CCDC73: variants seen among roughly 807,000 people sequenced by gnomAD.
CCDC73 encodes the protein coiled-coil domain containing 73, also known as coiled-coil domain-containing protein 73.
In CCDC73, 95 loss-of-function variants were observed where a neutral mutation model predicts 116.5. The ratio of observed to expected loss-of-function variants is 0.82; its 90% confidence interval spans 0.69 to 0.97. CCDC73 has a LOEUF of 0.97. Among genes scored for constraint, CCDC73 ranks in the 50% least tolerant of loss-of-function variants. The pLI is 0.00. For missense variants in CCDC73, 1,066 were observed against 1,206.8 expected, an observed-to-expected ratio of 0.88 and a Z score of 1.73; for synonymous variants, 398 against 401.3, an observed-to-expected ratio of 0.99 and a Z score of 0.10.
At chr11:32,654,759 G>T (rs1590571351) in intron 10 of CCDC73, 85 bp downstream of exon 10, 3 of 1,004,862 alleles carry the variant, frequency 3.0e-6, no homozygotes, top group Non-Finnish European at 4.2e-6. Context: ...TGCAAAGGCG[G>T]AGTATTTTTG....
chr11:32,759,359 C>T (rs1384441661), intron 2 of CCDC73, among the ~76,000 whole-genome samples: 1 of 128,834 alleles, frequency 7.8e-6, no homozygotes, highest in East Asian at 2.6e-4. Context: ...GAGATAGAGT[C>T]TTGCTCCGTC....
At chr11:32,772,645 T>A (rs1850501021) in intron 1 of CCDC73, among the ~76,000 whole-genome samples, 1 of 152,198 alleles carries the variant, frequency 6.6e-6, no homozygotes, top group South Asian at 2.1e-4. Context: ...TTCAACAGGT[T>A]CAGGAAAGAG....
chr11:32,750,275 C>A (rs1440661887), intron 2 of CCDC73, among the ~76,000 whole-genome samples: 2 of 152,160 alleles, frequency 1.3e-5, no homozygotes, highest in African/African-American at 4.8e-5. Context: ...ACCACTGGGA[C>A]TGCACTGGGT....
At chr11:32,796,587 T>C (rs1850729638), upstream of CCDC73, among the ~76,000 whole-genome samples, 1 of 152,212 alleles carries the variant, frequency 6.6e-6, no homozygotes, top group South Asian at 2.1e-4. Flanking sequence ...ATCAGTGCTA[T>C]GGTTTGAATG....
At chr11:32,825,295 CTTTTTTTTTTTTTT>C in the CCDC73 span, among the ~76,000 whole-genome samples, 1 of 64,446 alleles carries the variant, frequency 1.6e-5, no homozygotes, top group South Asian at 6.9e-4. Flanking sequence ...CTGATGCAGA[CTTTTTTTTTTTTTT>C]TTTTTTTTTT....
the CCDC73 span, among the ~76,000 whole-genome samples, chr11:32,812,012 C>T: frequency 6.6e-6 from 1 of 150,688 alleles, no homozygotes; most frequent in East Asian, 1.9e-4. Context: ...TACCTGTCTT[C>T]TACTGAATGG....
chr11:32,727,059 C>T (rs987285293), intron 2 of CCDC73, among the ~76,000 whole-genome samples: 2 of 152,060 alleles, frequency 1.3e-5, no homozygotes, highest in African/African-American at 4.8e-5. Context: ...TTTTTACTGA[C>T]CTTGACACTT....
chr11:32,782,850 T>C (rs1850595469), intron 1 of CCDC73, among the ~76,000 whole-genome samples: 2 of 151,814 alleles, frequency 1.3e-5, no homozygotes, highest in African/African-American at 2.4e-5. Context: ...AATAAAAGGA[T>C]TAGAAGACAA....
At chr11:32,660,533 T>C (rs1855913639) in intron 9 of CCDC73, among the ~76,000 whole-genome samples, 1 of 152,096 alleles carries the variant, frequency 6.6e-6, no homozygotes, top group South Asian at 2.1e-4. Context: ...ATATTACAAA[T>C]GAGAATACCG....
At chr11:32,659,876 T>C (rs1340297908) in intron 9 of CCDC73, among the ~76,000 whole-genome samples, 1 of 152,162 alleles carries the variant, frequency 6.6e-6, no homozygotes, top group Admixed American at 6.5e-5. Context: ...AATTCAGGTA[T>C]TACATGGCAA....
intron 14 of CCDC73, among the ~76,000 whole-genome samples, chr11:32,624,525 G>A (rs1855551750): frequency 6.6e-6 from 1 of 152,136 alleles, no homozygotes; most frequent in African/African-American, 2.4e-5. Context: ...AATGGAAATT[G>A]TGATGTAGAT....
chr11:32,719,292 G>A (rs1849970502), intron 2 of CCDC73, among the ~76,000 whole-genome samples: 1 of 152,152 alleles, frequency 6.6e-6, no homozygotes, highest in African/African-American at 2.4e-5. Flanking sequence ...AAGTATTGAA[G>A]GTGTGCCTCA....
chr11:32,634,149 A>G (rs1855657917), intron 14 of CCDC73, among the ~76,000 whole-genome samples: 1 of 152,204 alleles, frequency 6.6e-6, no homozygotes, highest in South Asian at 2.1e-4. Context: ...CATTGAAAGG[A>G]ATATATTCCA....
chr11:32,690,615 T>G (rs1856247635), intron 6 of CCDC73, among the ~76,000 whole-genome samples: 1 of 152,156 alleles, frequency 6.6e-6, no homozygotes, highest in Non-Finnish European at 1.5e-5. Flanking sequence ...TTTAAAAGTG[T>G]GTAGCACTTT....
the CCDC73 span, among the ~76,000 whole-genome samples, chr11:32,826,689 A>G: frequency 6.6e-6 from 1 of 151,410 alleles, no homozygotes; most frequent in Non-Finnish European, 1.5e-5. Flanking sequence ...TCAAGAACCA[A>G]GCTACTACTT....
At chr11:32,702,082 G>C (rs1042242435) in intron 4 of CCDC73, among the ~76,000 whole-genome samples, 3 of 152,088 alleles carry the variant, frequency 2.0e-5, no homozygotes, top group Admixed American at 2.0e-4. Flanking sequence ...CCTTGGTTAG[G>C]CCTATCTCAG....
chr11:32,704,769 A>G (rs1050170411), intron 3 of CCDC73, among the ~76,000 whole-genome samples: 1 of 152,174 alleles, frequency 6.6e-6, no homozygotes, highest in South Asian at 2.1e-4. Flanking sequence ...CCATGGGCCA[A>G]TAAACACACA....
At chr11:32,755,544 TATATATATATATATATATGTAC>T in intron 2 of CCDC73, among the ~76,000 whole-genome samples, 1 of 133,102 alleles carries the variant, frequency 7.5e-6, no homozygotes, top group Non-Finnish European at 1.6e-5. Flanking sequence ...AAAATATATA[TATATATATATATATATATGTAC>T]ATATATATCC....
At chr11:32,726,487 A>G (rs1248540922) in intron 2 of CCDC73, among the ~76,000 whole-genome samples, 1 of 152,192 alleles carries the variant, frequency 6.6e-6, no homozygotes, top group African/African-American at 2.4e-5. Flanking sequence ...GACAGAAAAA[A>G]ATAGCTAGAC....
Sources: allele counts gnomAD v4.1 joint callset (sites outside exome capture counted in the v4.1 genomes callset), GRCh38; gene constraint gnomAD v4.1.1; transcripts MANE v1.5; gene names NCBI Gene and HGNC (gene_info 2026-07-23, HGNC 2026-07-21).